EIF2AK4: variants seen among roughly 807,000 people sequenced by gnomAD.
EIF2AK4 encodes the protein eukaryotic translation initiation factor 2 alpha kinase 4, also known as eIF-2-alpha kinase GCN2.
EIF2AK4 carries 139 observed loss-of-function variants against 211.1 expected under a neutral mutation model. The observed-to-expected ratio is 0.66, with a 90% CI of 0.57 to 0.76. EIF2AK4 has a LOEUF of 0.76. EIF2AK4 is among the 30% of genes least tolerant of loss of function. The pLI is 0.00. For synonymous variants in EIF2AK4, 710 were observed against 751.3 expected (o/e 0.94, Z 0.90); for missense variants, 1,664 against 2,043.8 (o/e 0.81, Z 3.58).
chr15:39,985,229 T>G (rs2034848377), intron 13 of EIF2AK4, among the ~76,000 whole-genome samples: 1 of 152,208 alleles, frequency 6.6e-6, no homozygotes, highest in Admixed American at 6.5e-5. Context: ...ATAAGCTTTT[T>G]AATGTGCTGC....
chr15:39,957,983 G>A (rs2034414909), intron 6 of EIF2AK4, among the ~76,000 whole-genome samples: 1 of 152,230 alleles, frequency 6.6e-6, no homozygotes, highest in South Asian at 2.1e-4. Context: ...GCTTTTCACT[G>A]ATGAGTCTTG....
chr15:40,000,957 C>A (rs1221288953), intron 20 of EIF2AK4, 31 bp from the exon 21 acceptor site: 1 of 1,605,218 alleles, frequency 6.2e-7, no homozygotes, highest in Non-Finnish European at 8.5e-7. Flanking sequence ...CCATTGCATC[C>A]CATTAGCAGT....
intron 20 of EIF2AK4, among the ~76,000 whole-genome samples, chr15:39,999,784 T>C (rs190774520): frequency 1.1e-3 from 163 of 152,332 alleles, no homozygotes; most frequent in Non-Finnish European, 1.4e-3. Context: ...TATTATTGTT[T>C]CTGGGTGTCA....
chr15:39,986,845 A>G (rs1375676231), intron 14 of EIF2AK4, among the ~76,000 whole-genome samples: 1 of 151,940 alleles, frequency 6.6e-6, no homozygotes, highest in Non-Finnish European at 1.5e-5. Flanking sequence ...ACAAGAGTGA[A>G]ACTCTATCTA....
intron 31 of EIF2AK4, 36 bp from the exon 32 acceptor site, chr15:40,022,483 T>A (rs775199353): frequency 6.4e-7 from 1 of 1,559,420 alleles, no homozygotes; most frequent in South Asian, 1.1e-5. Flanking sequence ...CCAGGTGCTC[T>A]GTGTTTATTT....
chr15:40,012,971 AAG>A (rs1442064846), intron 27 of EIF2AK4, among the ~76,000 whole-genome samples: 1 of 152,124 alleles, frequency 6.6e-6, no homozygotes, highest in Admixed American at 6.5e-5. Context: ...CTGAGGCCCA[AAG>A]AGATGTTGTG....
intron 3 of EIF2AK4, 128 bp from the exon 4 acceptor site, chr15:39,948,988 A>G: frequency 1.8e-6 from 2 of 1,109,280 alleles, no homozygotes; most frequent in Non-Finnish European, 2.6e-6. Context: ...AGTATGTCAT[A>G]TCAAAATGAA....
At chr15:40,029,950 T>C (rs2035517101) in intron 34 of EIF2AK4, among the ~76,000 whole-genome samples, 1 of 152,228 alleles carries the variant, frequency 6.6e-6, no homozygotes, top group African/African-American at 2.4e-5. Context: ...ATATTTGGCT[T>C]TTAACAGAAT....
At chr15:39,983,782 T>C (rs2034827499) in intron 13 of EIF2AK4, among the ~76,000 whole-genome samples, 1 of 152,222 alleles carries the variant, frequency 6.6e-6, no homozygotes, top group Admixed American at 6.5e-5. Flanking sequence ...TTGCAAAAAT[T>C]TTCTCCCATT....
At chr15:39,992,349 G>T in intron 17 of EIF2AK4, 120 bp downstream of exon 17, 3 of 740,418 alleles carry the variant, frequency 4.1e-6, no homozygotes, top group South Asian at 2.6e-5. Flanking sequence ...TGCTCCTTAA[G>T]TTAACAAAAT....
chr15:39,969,551 A>G (rs1171783162), intron 9 of EIF2AK4, among the ~76,000 whole-genome samples: 1 of 151,888 alleles, frequency 6.6e-6, no homozygotes, highest in African/African-American at 2.4e-5. Context: ...TAGTAGAGAC[A>G]GGGTTTCACC....
At chr15:39,934,832 C>T (rs149621108) in intron 1 of EIF2AK4, among the ~76,000 whole-genome samples, 37 of 152,324 alleles carry the variant, frequency 2.4e-4, no homozygotes, top group Non-Finnish European at 4.4e-4. Context: ...CTGTACTCCC[C>T]AGGCATCCTC....
At chr15:39,965,960 A>T (rs2034538883) in intron 8 of EIF2AK4, 117 bp downstream of exon 8, 2 of 1,379,794 alleles carry the variant, frequency 1.4e-6, no homozygotes, top group Non-Finnish European at 1.9e-6. Flanking sequence ...GCAGTATGAG[A>T]ACTGTTTGAC....
intron 6 of EIF2AK4, among the ~76,000 whole-genome samples, chr15:39,958,725 G>A (rs1332455462): frequency 1.3e-5 from 2 of 152,166 alleles, no homozygotes; most frequent in East Asian, 3.9e-4. Context: ...TGGCATCTTG[G>A]TGAGTTAGAC....
At chr15:40,027,964 T>G (rs1416258517) in intron 33 of EIF2AK4, among the ~76,000 whole-genome samples, 1 of 152,042 alleles carries the variant, frequency 6.6e-6, no homozygotes, top group Non-Finnish European at 1.5e-5. Context: ...ATATACAACC[T>G]ATACATAAAA....
intron 27 of EIF2AK4, among the ~76,000 whole-genome samples, chr15:40,015,087 T>G (rs1382027575): frequency 6.6e-6 from 1 of 152,212 alleles, no homozygotes; most frequent in African/African-American, 2.4e-5. Flanking sequence ...TATCAGCATT[T>G]TGGTCAAAGC....
chr15:39,953,742 A>C (rs1253193387), intron 4 of EIF2AK4, among the ~76,000 whole-genome samples, 162 bp from the exon 5 acceptor site: 1 of 152,204 alleles, frequency 6.6e-6, no homozygotes, highest in East Asian at 1.9e-4. Context: ...CTCTGATAAA[A>C]CTGATAGAAC....
At chr15:40,020,348 T>C (rs1373854835) in intron 30 of EIF2AK4, among the ~76,000 whole-genome samples, 1 of 150,822 alleles carries the variant, frequency 6.6e-6, no homozygotes, top group Non-Finnish European at 1.5e-5. Flanking sequence ...TAACATTTTT[T>C]TTTTTTTTAC....
chr15:39,965,204 C>T (rs1483592616), intron 7 of EIF2AK4, among the ~76,000 whole-genome samples: 1 of 152,184 alleles, frequency 6.6e-6, no homozygotes, highest in Non-Finnish European at 1.5e-5. Context: ...TCACTGCAAC[C>T]TCCGCCTCCC....
Sources: gnomAD v4.1 joint callset for allele counts (sites outside exome capture counted in the v4.1 genomes callset) on GRCh38, gnomAD v4.1.1 for gene constraint, MANE v1.5 for transcripts, NCBI Gene and HGNC (gene_info 2026-07-23, HGNC 2026-07-21) for gene names.